The following ANKRD31 variants were observed in gnomAD, a reference collection of about 807,000 sequenced individuals.
The protein encoded by ANKRD31 is ankyrin repeat domain 31.
In ANKRD31, 147 loss-of-function variants were observed where a neutral mutation model predicts 186.0. The ratio of observed to expected loss-of-function variants is 0.79; its 90% CI spans 0.69 to 0.91. ANKRD31 has a LOEUF of 0.91. ANKRD31 is among the 40% of genes least tolerant of loss of function. The pLI, the probability that ANKRD31 is intolerant of heterozygous loss-of-function variation, is 0.00. For synonymous variants in ANKRD31, 673 were observed against 736.4 expected, an observed-to-expected ratio of 0.91 and a Z score of 1.39; for missense variants, 1,986 against 2,148.8, an observed-to-expected ratio of 0.92 and a Z score of 1.50.
Position 75,146,097 on chromosome 5 carries a change from C to A in ANKRD31, c.3314G>T (p.Ser1105Ile), listed in dbSNP as rs1195714062. Residue 1105 changes from serine (S) to isoleucine (I), a missense_variant, in exon 14 of 26, where the codon AGT becomes ATT. Physicochemically the swap from Ser to Ile is moderately radical, Grantham distance 142. Coordinates refer to ENST00000506364, the MANE Select transcript of ANKRD31 (RefSeq NM_001372053.1). Reference protein sequence around the residue: ...VEKRRQNHLESETIHNIDSHS... With the variant: ...VEKRRQNHLEIETIHNIDSHS... ...AGAATCTATATTGTGTATAGTCTCACTTTCTAGATGGTTTTGTCTCCTTTT... is the reference window on the plus strand; with the variant it reads ...AGAATCTATATTGTGTATAGTCTCAATTTCTAGATGGTTTTGTCTCCTTTT... The A allele has an allele frequency of 1.3e-6, 2 of 1,535,814 alleles. No homozygotes were observed. The highest frequency in any genetic ancestry group is 4.9e-5 in the East Asian group (2 of 40,852).
At chr5:75,105,962 T>C (rs773430982) in intron 21 of ANKRD31, among the ~76,000 whole-genome samples, 1 of 152,182 alleles carries the variant, frequency 6.6e-6, no homozygotes, top group South Asian at 2.1e-4. Flanking sequence ...CTTCAGATTA[T>C]TGGACACTTT....
In ANKRD31 at chr5:75,196,131, T is replaced by C. The variant is rs59620469; in HGVS notation, c.517A>G (p.Thr173Ala). Reference sequence around the variant, plus strand: ...AATGATGTCTCCTTTACAGCAACTGTATCAGATACTGTAATAGCAGTGCCT... The same window carrying C: ...AATGATGTCTCCTTTACAGCAACTGCATCAGATACTGTAATAGCAGTGCCT... ...LSGTAITVSD[T>A]VAVKETSLVE... is the part of the protein sequence containing the mutation. The change falls in exon 7 of 26, where the codon ACA (threonine) becomes GCA (alanine). Residue 173 changes from threonine (T) to alanine (A), a missense_variant. Physicochemically the swap from Thr to Ala is moderately conservative, Grantham distance 58 (BLOSUM62 0). Transcript: ENST00000506364. 0.022 allele frequency: 33,920 copies of C among 1,532,576 alleles called. 1,181 individuals are homozygous for C. Among genetic ancestry groups the C allele is most frequent in the African/African-American group, 0.15 (11,138 of 72,820 alleles). 94.9% of individuals were successfully genotyped at this position (1,532,576 alleles called of 1,614,324 possible). A position where few individuals can be genotyped will look rare whatever the true frequency, so the allele number is the denominator to read the frequency against.
chr5:75,181,009 C>T (rs1170276455), intron 10 of ANKRD31, among the ~76,000 whole-genome samples: 1 of 145,186 alleles, frequency 6.9e-6, no homozygotes, highest in Non-Finnish European at 1.5e-5. Context: ...TATCCAGAAT[C>T]TACAATGAAC....
chr5:75,076,269 A>G (rs1467530749), intron 25 of ANKRD31, among the ~76,000 whole-genome samples: 2 of 152,176 alleles, frequency 1.3e-5, no homozygotes, highest in East Asian at 3.8e-4. Context: ...CCAGTTGCAG[A>G]TATCAGTTAC....
At chr5:75,115,509 T>C (rs1340138685) in intron 19 of ANKRD31, among the ~76,000 whole-genome samples, 1 of 150,784 alleles carries the variant, frequency 6.6e-6, no homozygotes, top group African/African-American at 2.4e-5. Flanking sequence ...AACCTACTCA[T>C]CTGACAAAGG....
At chr5:75,206,527 GA>G in intron 4 of ANKRD31, 40 bp from the exon 5 acceptor site, 1 of 1,166,352 alleles carries the variant, frequency 8.6e-7, no homozygotes, top group South Asian at 1.9e-5. Context: ...TAAAATGGAA[GA>G]AAAAATAGTG....
At chr5:75,221,797 G>A (rs1379229523) in intron 3 of ANKRD31, among the ~76,000 whole-genome samples, 1 of 110,474 alleles carries the variant, frequency 9.1e-6, no homozygotes, top group Non-Finnish European at 1.7e-5. Flanking sequence ...TGCACTTAAT[G>A]AATAGTAAAT....
rs563764247 is a variant in ANKRD31 at position 75,179,682 on chromosome 5, AC to A, written c.1564+8810del. The stretch of plus-strand genomic sequence containing the variant: ...AAAAGGCCTTTGACAAAATTCAACA[AC>A]CCTTCATGTTAAAAACTCTCAATAA... On this transcript the variant is annotated intron_variant, in intron 10 of 25. Transcript: ENST00000506364. Among the ~76,000 whole-genome samples the A allele has an allele frequency of 8.9e-4, 135 of 152,176 alleles. 1 individual carries two copies. The highest frequency in any genetic ancestry group is 1.2e-3 in the Non-Finnish European group (82 of 67,974).
intron 17 of ANKRD31, among the ~76,000 whole-genome samples, chr5:75,131,952 AC>A (rs1423883088): frequency 2.6e-5 from 4 of 152,234 alleles, no homozygotes; most frequent in African/African-American, 9.6e-5. Flanking sequence ...GAGGGTCCTG[AC>A]TGTTAGAAGG....
chr5:75,201,970 A>G (rs1213265125), intron 5 of ANKRD31, among the ~76,000 whole-genome samples: 3 of 152,208 alleles, frequency 2.0e-5, no homozygotes, highest in Admixed American at 2.0e-4. Context: ...ACCAATTGCC[A>G]ATCAGAAAAT....
intron 22 of ANKRD31, among the ~76,000 whole-genome samples, chr5:75,096,671 T>G (rs1462198521): frequency 6.6e-6 from 1 of 152,164 alleles, no homozygotes; most frequent in Non-Finnish European, 1.5e-5. Context: ...AAAAAATTTT[T>G]TTTTTATTAT....
chr5:75,078,465 T>G (rs1239972470), intron 25 of ANKRD31, among the ~76,000 whole-genome samples: 1 of 152,182 alleles, frequency 6.6e-6, no homozygotes, highest in Non-Finnish European at 1.5e-5. Context: ...TGTGCTATTT[T>G]CAAATGAACA....
At chr5:75,181,575 T>C (rs969110362) in intron 10 of ANKRD31, among the ~76,000 whole-genome samples, 2 of 152,028 alleles carry the variant, frequency 1.3e-5, no homozygotes. Context: ...TGAGTTCATG[T>C]CCTTTGTAGG....
intron 3 of ANKRD31, among the ~76,000 whole-genome samples, chr5:75,215,206 G>A (rs1756895151): frequency 6.6e-6 from 1 of 152,124 alleles, no homozygotes; most frequent in South Asian, 2.1e-4. Flanking sequence ...GGAGAGGCAG[G>A]TCTTTTTGTT....
At chr5:75,076,178 C>G (rs750131704) in intron 25 of ANKRD31, among the ~76,000 whole-genome samples, 7 of 152,208 alleles carry the variant, frequency 4.6e-5, no homozygotes, top group Non-Finnish European at 7.3e-5. Flanking sequence ...CAATTTAATT[C>G]TGACACTAAT....
chr5:75,091,856 T>A (rs1205714119), intron 22 of ANKRD31, among the ~76,000 whole-genome samples: 2 of 152,168 alleles, frequency 1.3e-5, no homozygotes, highest in Non-Finnish European at 2.9e-5. Flanking sequence ...TGCCCAGCTC[T>A]GAGTGGTGAG....
At position 75,188,475 on chromosome 5, in the gene ANKRD31, G is replaced by C; in HGVS notation, c.1564+18C>G. On this transcript the variant is annotated intron_variant, in intron 10 of 25. Coordinates refer to ENST00000506364, the MANE Select transcript of ANKRD31 (RefSeq NM_001372053.1). ...CAAACCACTCTTAAGGTAACTGTGG[G>C]TGGTAATCCTAACTTACCAGCATAA... 6.5e-7 allele frequency: 1 copy of C among 1,529,662 alleles called. No individual in the cohort carries two copies. The highest frequency in any genetic ancestry group is 1.2e-5 in the South Asian group (1 of 82,584). 94.8% of individuals were successfully genotyped at this position (1,529,662 alleles called of 1,614,324 possible).
At chr5:75,160,155 G>A (rs899949172) in intron 11 of ANKRD31, among the ~76,000 whole-genome samples, 4 of 151,980 alleles carry the variant, frequency 2.6e-5, no homozygotes, top group African/African-American at 7.2e-5. Flanking sequence ...ACAATATATT[G>A]TATTTATAAA....
At chr5:75,129,036 G>C (rs567268900) in intron 17 of ANKRD31, among the ~76,000 whole-genome samples, 4 of 152,294 alleles carry the variant, frequency 2.6e-5, no homozygotes, top group African/African-American at 9.6e-5. Context: ...AGTGTTGGAG[G>C]TGGGGTCTGG....
Sources: allele counts gnomAD v4.1 joint callset (sites outside exome capture counted in the v4.1 genomes callset), GRCh38; gene constraint gnomAD v4.1.1; transcripts MANE v1.5; gene names NCBI Gene and HGNC (gene_info 2026-07-23, HGNC 2026-07-21).